Variants in NBAS observed in about 807,000 individuals in gnomAD.
NBAS encodes the protein NBAS subunit of NRZ tethering complex, also known as NAG/BC035112 fusion.
NBAS carries 219 observed loss-of-function variants against 302.5 expected under a neutral mutation model. That is an observed-to-expected ratio of 0.72 (90% confidence interval 0.65 to 0.81). The LOEUF (loss-of-function observed/expected upper bound fraction) is 0.81, where lower values mean the gene tolerates loss of function less well. Among genes scored for constraint, NBAS ranks in the 30% least tolerant of loss-of-function variants. The probability of loss-of-function intolerance (pLI) is 0.00; values close to 1 mark genes in which losing one functional copy is unlikely to be tolerated. For synonymous variants in NBAS, 1,118 were observed against 1,021.6 expected (o/e 1.09, Z -1.80); for missense variants, 2,932 against 2,841.6 (o/e 1.03, Z -0.72).
intron 5 of NBAS, among the ~76,000 whole-genome samples, chr2:15,553,011 G>A (rs532610308): frequency 6.6e-6 from 1 of 152,186 alleles, no homozygotes; most frequent in East Asian, 1.9e-4. Context: ...CACCACGTTG[G>A]CCAGGATGGT....
At chr2:15,099,679 C>T in the NBAS span, among the ~76,000 whole-genome samples, 5 of 152,152 alleles carry the variant, frequency 3.3e-5, no homozygotes, top group South Asian at 2.1e-4. Context: ...CTAGTGCACA[C>T]GGGATCCTGT....
chr2:14,975,980 T>TA, the NBAS span, among the ~76,000 whole-genome samples: 10,355 of 152,252 alleles, frequency 0.068, 904 homozygotes, highest in African/African-American at 0.19. Context: ...TCTCCCACTG[T>TA]AAACAGCTAT....
chr2:15,175,871 T>C (rs534272994), intron 51 of NBAS, among the ~76,000 whole-genome samples: 1 of 152,354 alleles, frequency 6.6e-6, no homozygotes, highest in South Asian at 2.1e-4. Flanking sequence ...CAGTATCTTA[T>C]AATGAATAGC....
chr2:15,415,723 A>G lies in NBAS; in HGVS notation c.2764-4T>C, dbSNP rs2148459636. On this transcript the variant is annotated splice_polypyrimidine_tract_variant and splice_region_variant and intron_variant, in intron 24 of 51. Coordinates refer to ENST00000281513, the MANE Select transcript of NBAS (RefSeq NM_015909.4). The stretch of plus-strand genomic sequence containing the variant: ...TCACATATTTATCCTCAGAACACTG[A>G]AAGTACAATCAAGCAAAACAGACAA... 1 of 1,614,176 alleles carries G rather than the reference A, an allele frequency of 6.2e-7. No individual in the cohort carries two copies. The highest frequency in any genetic ancestry group is 8.5e-7 in the Non-Finnish European group (1 of 1,179,986).
chr2:15,441,306 T>C (rs1468659961), intron 21 of NBAS, among the ~76,000 whole-genome samples: 2 of 152,172 alleles, frequency 1.3e-5, no homozygotes, highest in Non-Finnish European at 2.9e-5. Context: ...ACAGCGGATC[T>C]CTCGGCAGAA....
chr2:15,187,967 G>A (rs935359123), intron 49 of NBAS, among the ~76,000 whole-genome samples: 1 of 152,218 alleles, frequency 6.6e-6, no homozygotes, highest in Non-Finnish European at 1.5e-5. Flanking sequence ...CTGGTGTGCT[G>A]AGGAGTCTTC....
At chr2:15,041,140 C>A in the NBAS span, among the ~76,000 whole-genome samples, 4 of 152,202 alleles carry the variant, frequency 2.6e-5, no homozygotes, top group East Asian at 7.7e-4. Flanking sequence ...TCAAGCCAGA[C>A]GGAGCTACCT....
the NBAS span, among the ~76,000 whole-genome samples, chr2:15,034,183 A>AAGAAAG: frequency 1.6e-5 from 1 of 63,532 alleles, no homozygotes; most frequent in African/African-American, 9.4e-5. Flanking sequence ...AGAAGAATGA[A>AAGAAAG]AGAAAGAGAA....
chr2:15,197,248 T>C (rs1168594491), intron 48 of NBAS, among the ~76,000 whole-genome samples: 1 of 152,216 alleles, frequency 6.6e-6, no homozygotes, highest in East Asian at 1.9e-4. Context: ...GCTTCCTCAG[T>C]AATGAAGTGA....
Position 15,554,126 on chromosome 2 carries a change from A to G in NBAS, c.222T>C (p.Phe74=). 1 of 1,613,714 alleles carries G rather than the reference A, an allele frequency of 6.2e-7. No individual in the cohort carries two copies. Residue 74 remains phenylalanine (F), a synonymous_variant, in exon 4 of 52, where the codon TTT becomes TTC. Transcript: ENST00000281513. ...RQYIWYSPAP[F]LLPDGLVRLV... ...AGCGAACCAGTCCATCAGGGAGCAA[A>G]AAAGGTGCCGGGCTGAAATCACAAC...
chr2:15,340,851 G>A (rs1672814688), intron 35 of NBAS, among the ~76,000 whole-genome samples: 1 of 152,104 alleles, frequency 6.6e-6, no homozygotes, highest in Admixed American at 6.6e-5. Flanking sequence ...ATAAAACAAA[G>A]ACTGAGATTT....
chr2:15,102,684 T>G, the NBAS span, among the ~76,000 whole-genome samples: 1 of 152,154 alleles, frequency 6.6e-6, no homozygotes, highest in African/African-American at 2.4e-5. Flanking sequence ...CTTCCACTAC[T>G]CTTACCTTAA....
the NBAS span, among the ~76,000 whole-genome samples, chr2:15,014,068 A>G: frequency 2.0e-5 from 3 of 152,164 alleles, no homozygotes; most frequent in Non-Finnish European, 2.9e-5. Flanking sequence ...GACATTATAT[A>G]GGAATAAAGG....
At chr2:14,903,836 C>A in the NBAS span, among the ~76,000 whole-genome samples, 4 of 151,906 alleles carry the variant, frequency 2.6e-5, no homozygotes, top group South Asian at 2.1e-4. Context: ...CTGTCCCCCC[C>A]ATCCCCCTGT....
At chr2:15,274,793 C>G (rs1326220998) in intron 44 of NBAS, among the ~76,000 whole-genome samples, 5 of 152,058 alleles carry the variant, frequency 3.3e-5, no homozygotes, top group Admixed American at 3.3e-4. Context: ...GAGACAGAGT[C>G]TCACTCTGTC....
At chr2:15,125,973 G>A in the NBAS span, among the ~76,000 whole-genome samples, 428 of 152,266 alleles carry the variant, frequency 2.8e-3, 1 homozygote, top group African/African-American at 9.7e-3. Flanking sequence ...GGGGACTGGG[G>A]CAGAATAATA....
At chr2:15,500,403 T>C (rs1430565059) in intron 11 of NBAS, among the ~76,000 whole-genome samples, 1 of 151,808 alleles carries the variant, frequency 6.6e-6, no homozygotes, top group East Asian at 1.9e-4. Flanking sequence ...TGCCAGGCAT[T>C]GTTTTACACT....
chr2:15,135,586 A>G, the NBAS span, among the ~76,000 whole-genome samples: 1 of 152,098 alleles, frequency 6.6e-6, no homozygotes, highest in Admixed American at 6.5e-5. Context: ...GAGTGAGCCG[A>G]GCATGGAGGG....
At chr2:15,495,539 T>A (rs1391940570) in intron 11 of NBAS, among the ~76,000 whole-genome samples, 3 of 152,124 alleles carry the variant, frequency 2.0e-5, no homozygotes, top group South Asian at 2.1e-4. Context: ...ATAGTTTTTT[T>A]TAAAAAGCCA....
Sources: gnomAD v4.1 joint callset for allele counts (sites outside exome capture counted in the v4.1 genomes callset) on GRCh38, gnomAD v4.1.1 for gene constraint, MANE v1.5 for transcripts, NCBI Gene and HGNC (gene_info 2026-07-23, HGNC 2026-07-21) for gene names.